Variants in FGFR2 observed in about 807,000 individuals in gnomAD.
The protein encoded by FGFR2 is BEK fibroblast growth factor receptor.
FGFR2 carries 19 observed loss-of-function variants against 95.9 expected under a neutral mutation model. That is an observed-to-expected ratio of 0.20 (90% CI 0.14 to 0.29). The LOEUF is 0.29. Ranked by LOEUF, FGFR2 falls within the 10% of genes least tolerant of loss-of-function variation. FGFR2 has a pLI of 1.00. For synonymous variants in FGFR2, 392 were observed against 393.3 expected, an observed-to-expected ratio of 1.00 and a Z score of 0.04; for missense variants, 707 against 1,056.9, an observed-to-expected ratio of 0.67 and a Z score of 4.59.
intron 6 of FGFR2, among the ~76,000 whole-genome samples, chr10:121,523,188 C>T (rs543078172): frequency 1.4e-4 from 21 of 152,298 alleles, no homozygotes; most frequent in African/African-American, 3.1e-4. Context: ...ATACTGGAGC[C>T]GCAAAGAAAT....
intron 5 of FGFR2, among the ~76,000 whole-genome samples, chr10:121,547,827 T>C (rs1407641345): frequency 6.6e-6 from 1 of 152,132 alleles, no homozygotes; most frequent in Non-Finnish European, 1.5e-5. Flanking sequence ...ACGCAGGCCA[T>C]AGCCAGCCAA....
Position 121,518,547 on chromosome 10 carries a change from A to G in FGFR2, c.940-1084T>C. The stretch of plus-strand genomic sequence containing the variant: ...CATCATACCAGCTGCATCACCGAAG[A>G]AAGATTATTATAAATATACCAAGGC... On this transcript the variant is annotated intron_variant, in intron 7 of 17. Transcript: ENST00000358487. The surrounding 1 kb of genome is among the most constrained non-coding windows in gnomAD (Gnocchi z 4.0). 1 of 993,776 alleles carries G rather than the reference A, an allele frequency of 1.0e-6. No individual in the cohort carries two copies. Among genetic ancestry groups the G allele is most frequent in the Non-Finnish European group, 1.5e-6 (1 of 680,304 alleles). 61.6% of individuals were successfully genotyped at this position (993,776 alleles called of 1,614,324 possible). A position where few individuals can be genotyped will look rare whatever the true frequency, so the allele number is the denominator to read the frequency against.
chr10:121,532,656 C>G (rs1480441607), intron 6 of FGFR2, among the ~76,000 whole-genome samples: 2 of 152,172 alleles, frequency 1.3e-5, no homozygotes, highest in Non-Finnish European at 2.9e-5. Flanking sequence ...CTTTGTCTTC[C>G]TGGGACAGAG....
intron 5 of FGFR2, among the ~76,000 whole-genome samples, chr10:121,545,126 T>C (rs1854317248): frequency 1.3e-5 from 2 of 152,106 alleles, no homozygotes; most frequent in South Asian, 4.1e-4. Flanking sequence ...CTGCGCAATA[T>C]AGAGGGACTC....
chr10:121,480,825 C>G (rs549842508), intron 17 of FGFR2, among the ~76,000 whole-genome samples: 1 of 152,128 alleles, frequency 6.6e-6, no homozygotes, highest in South Asian at 2.1e-4. Flanking sequence ...CTGGATCACC[C>G]CAGGGTGACA....
intron 7 of FGFR2, 58 bp downstream of exon 7, chr10:121,519,921 G>T (rs2134304686): frequency 1.3e-6 from 2 of 1,553,952 alleles, no homozygotes; most frequent in Non-Finnish European, 1.8e-6. Context: ...AGAACCTGTG[G>T]CCAAACCCAT....
intron 5 of FGFR2, among the ~76,000 whole-genome samples, chr10:121,549,993 T>C (rs1221753162): frequency 6.6e-6 from 1 of 152,200 alleles, no homozygotes; most frequent in Non-Finnish European, 1.5e-5. Context: ...TATGCCCACT[T>C]ATGTTCCAAA....
At chr10:121,519,804 T>A (rs1054357143) in intron 7 of FGFR2, among the ~76,000 whole-genome samples, 175 bp downstream of exon 7, 12 of 152,198 alleles carry the variant, frequency 7.9e-5, no homozygotes, top group African/African-American at 2.4e-4. Flanking sequence ...ATAGTTCCCT[T>A]CTGAAATTCT....
At chr10:121,535,663 CA>C (rs1019231727) in intron 6 of FGFR2, among the ~76,000 whole-genome samples, 65 of 152,290 alleles carry the variant, frequency 4.3e-4, no homozygotes, top group Non-Finnish European at 6.0e-4. Context: ...ATTATCGCCA[CA>C]ATTACCAAAA....
At chr10:121,495,565 C>A (rs1846689613) in intron 13 of FGFR2, among the ~76,000 whole-genome samples, 1 of 152,126 alleles carries the variant, frequency 6.6e-6, no homozygotes, top group African/African-American at 2.4e-5. Flanking sequence ...TCCTATGTGG[C>A]CAGAGAGTAG....
chr10:121,546,785 A>G (rs1170330725), intron 5 of FGFR2, among the ~76,000 whole-genome samples: 1 of 152,252 alleles, frequency 6.6e-6, no homozygotes, highest in Non-Finnish European at 1.5e-5. Context: ...CCAAAGCACA[A>G]TCATAGTTTA....
intron 5 of FGFR2, among the ~76,000 whole-genome samples, chr10:121,549,098 G>A (rs1276878213): frequency 1.3e-5 from 2 of 152,084 alleles, no homozygotes; most frequent in Non-Finnish European, 2.9e-5. Flanking sequence ...TGTTTCACAT[G>A]TTCACTGCCC....
intron 7 of FGFR2, 156 bp downstream of exon 7, chr10:121,519,823 G>C (rs1850236593): frequency 1.5e-6 from 1 of 670,384 alleles, no homozygotes; most frequent in Non-Finnish European, 2.5e-6. Flanking sequence ...CTACTAGCAA[G>C]TGTAATGATC....
chr10:121,522,656 CACCAGACT>C (rs1377734180), intron 6 of FGFR2, among the ~76,000 whole-genome samples: 2 of 152,166 alleles, frequency 1.3e-5, no homozygotes, highest in Admixed American at 6.5e-5. Context: ...ACCACCAGAC[CACCAGACT>C]GCTACCTGAT....
chr10:121,502,223 T>C (rs1815134246), intron 10 of FGFR2, among the ~76,000 whole-genome samples: 1 of 152,218 alleles, frequency 6.6e-6, no homozygotes, highest in African/African-American at 2.4e-5. Flanking sequence ...TGAACCTATC[T>C]GTGTATATAA....
chr10:121,584,351 A>C (rs1861429226), intron 2 of FGFR2, among the ~76,000 whole-genome samples: 2 of 145,030 alleles, frequency 1.4e-5, no homozygotes, highest in Admixed American at 6.9e-5. Flanking sequence ...ACCCCACCCC[A>C]ACCAATCCCA....
intron 2 of FGFR2, among the ~76,000 whole-genome samples, chr10:121,567,731 C>T (rs540956904): frequency 1.1e-4 from 17 of 152,362 alleles, no homozygotes; most frequent in African/African-American, 3.4e-4. Context: ...CCAGCCGCAG[C>T]TTGTTTTTGT....
chr10:121,512,411 C>T (rs968280052), intron 9 of FGFR2, among the ~76,000 whole-genome samples: 2 of 152,146 alleles, frequency 1.3e-5, no homozygotes, highest in African/African-American at 4.8e-5. Context: ...GTCAACATTC[C>T]CCCCAAATAA....
chr10:121,538,643 C>T lies in FGFR2; in HGVS notation c.697G>A (p.Val233Met), dbSNP rs1435694211. The change falls in exon 6 of 18, where the codon GTG becomes ATG. Residue 233 changes from valine to methionine, a missense_variant. Around this residue, in one of 7 missense-constraint regions of FGFR2, gnomAD observed 139 missense variants for 278.1 expected, o/e 0.50. Transcript: ENST00000358487. ...TTGATGGACCCGTATTCATTCTCCA[C>T]TACACAGGTATAATTTCCCTTGTCA... ...PSDKGNYTCV[V>M]ENEYGSINHT... 1.2e-6 allele frequency: 2 copies of T among 1,614,128 alleles called. No individual in the cohort carries two copies. Among genetic ancestry groups the T allele is most frequent in the Admixed American group, 3.3e-5 (2 of 60,024 alleles).
Sources: gnomAD v4.1 joint callset for allele counts (sites outside exome capture counted in the v4.1 genomes callset) on GRCh38, gnomAD v4.1.1 for gene constraint, gnomAD v4.1.1 regional missense constraint, Gnocchi (gnomAD v3.1) non-coding constraint, MANE v1.5 for transcripts, NCBI Gene and HGNC (gene_info 2026-07-23, HGNC 2026-07-21) for gene names.